Variants in THRAP3 observed in about 807,000 individuals in gnomAD.
The protein encoded by THRAP3 is thyroid hormone receptor associated protein 3, also known as thyroid hormone receptor-associated protein 3.
THRAP3 carries 16 observed loss-of-function variants against 101.0 expected under a neutral mutation model. The observed-to-expected ratio is 0.16, with a 90% CI of 0.11 to 0.24. The LOEUF (loss-of-function observed/expected upper bound fraction) is 0.24, where lower values mean the gene tolerates loss of function less well. Among genes scored for constraint, THRAP3 ranks in the 10% least tolerant of loss-of-function variants. The pLI is 1.00. For synonymous variants in THRAP3, 407 were observed against 422.6 expected, an observed-to-expected ratio of 0.96 and a Z score of 0.45; for missense variants, 989 against 1,202.7, an observed-to-expected ratio of 0.82 and a Z score of 2.63.
In THRAP3 at chr1:36,270,577, G is replaced by GTTTTTTT. The variant is rs869142351; in HGVS notation, c.-32+11104_-32+11110dup. Among the ~76,000 whole-genome samples the GTTTTTTT allele has an allele frequency of 1.6e-3, 56 of 34,642 alleles. 1 individual carries two copies. The East Asian group carries it at 0.18, about 112-fold the overall frequency. The allele number at this position is 34,642 out of a possible 152,430, so 22.7% of individuals were successfully genotyped here. On this transcript the variant is annotated intron_variant, in intron 2 of 11. Transcript: ENST00000354618. Reference sequence around the variant, plus strand: ...TACAGTTCTATTTGTTTAGGTTTTTGTTTTTTTTTTTTTTTTTGAGACGGA... The same window carrying GTTTTTTT: ...TACAGTTCTATTTGTTTAGGTTTTTGTTTTTTTTTTTTTTTTTTTTTTTTGAGACGGA...
chr1:36,270,571 G>A (rs1446938524), intron 2 of THRAP3, among the ~76,000 whole-genome samples: 2 of 31,870 alleles, frequency 6.3e-5, no homozygotes, highest in African/African-American at 1.4e-4. Context: ...ATTTGTTTAG[G>A]TTTTTGTTTT....
chr1:36,269,753 ATCT>A (rs1190706666), intron 2 of THRAP3, among the ~76,000 whole-genome samples: 1 of 151,360 alleles, frequency 6.6e-6, no homozygotes, highest in Non-Finnish European at 1.5e-5. Context: ...TTTTTTTTAA[ATCT>A]TCTGTAGAGA....
At chr1:36,271,286 AT>A (rs968024419) in intron 2 of THRAP3, among the ~76,000 whole-genome samples, 20 of 151,606 alleles carry the variant, frequency 1.3e-4, no homozygotes, top group African/African-American at 3.9e-4. Flanking sequence ...ACACAGGCAA[AT>A]TTTTTTTTCC....
intron 1 of THRAP3, among the ~76,000 whole-genome samples, chr1:36,253,339 G>A (rs529896030): frequency 2.6e-5 from 4 of 152,246 alleles, no homozygotes; most frequent in Non-Finnish European, 4.4e-5. Context: ...TAGCTGCACA[G>A]TTAGACAGAT....
In THRAP3 at chr1:36,304,874, A is replaced by G. The variant is rs888000276; in HGVS notation, c.*857A>G. ...GTTTTCTAAGAAACTTATGAATTCT[A>G]TTATCTTTACAAATATGAGAAAATT... On this transcript the variant is annotated 3_prime_UTR_variant, in exon 12 of 12. Coordinates refer to ENST00000354618, the MANE Select transcript of THRAP3 (RefSeq NM_005119.4). 1.9e-5 allele frequency: 4 copies of G among 205,952 alleles called. No homozygotes were observed. Among genetic ancestry groups the G allele is most frequent in the East Asian group, 1.5e-4 (2 of 13,664 alleles). The allele number at this position is 205,952 out of a possible 1,614,324, so 12.8% of individuals were successfully genotyped here.
At chr1:36,294,564 A>G (rs1645920944) in intron 8 of THRAP3, among the ~76,000 whole-genome samples, 1 of 152,238 alleles carries the variant, frequency 6.6e-6, no homozygotes, top group Admixed American at 6.5e-5. Context: ...GTATTTATTG[A>G]TCTTCATTCA....
intron 2 of THRAP3, among the ~76,000 whole-genome samples, chr1:36,261,794 A>T (rs1315470935): frequency 6.6e-6 from 1 of 152,160 alleles, no homozygotes; most frequent in Non-Finnish European, 1.5e-5. Flanking sequence ...TATGATCCAA[A>T]ATGGTAGTAG....
intron 1 of THRAP3, among the ~76,000 whole-genome samples, chr1:36,242,767 A>G (rs1645177676): frequency 6.6e-6 from 1 of 152,152 alleles, no homozygotes; most frequent in Non-Finnish European, 1.5e-5. Context: ...TTGATTTTCT[A>G]AGGCATATAG....
chr1:36,302,154 G>C (rs1646038055), intron 11 of THRAP3, among the ~76,000 whole-genome samples: 1 of 152,182 alleles, frequency 6.6e-6, no homozygotes, highest in African/African-American at 2.4e-5. Context: ...TCTCATCTAG[G>C]CTGTTGATCA....
the THRAP3 span, among the ~76,000 whole-genome samples, chr1:36,208,554 G>A: frequency 6.6e-6 from 1 of 152,160 alleles, no homozygotes; most frequent in Admixed American, 6.6e-5. Flanking sequence ...CGAATTTATT[G>A]AGGAACTGCA....
rs767415343 is a variant in THRAP3 at position 36,291,550 on chromosome 1, A to C, written c.1918+4A>C. ...ACCATTGTTCACCATGTTAAAGGTG[A>C]GTCCAGACCCTGGCCTGCTTCAGGC... On this transcript the variant is annotated splice_donor_region_variant and intron_variant, in intron 6 of 11. Coordinates refer to ENST00000354618, the MANE Select transcript of THRAP3 (RefSeq NM_005119.4). The C allele has an allele frequency of 1.9e-6, 3 of 1,613,596 alleles. No homozygotes were observed. The highest frequency in any genetic ancestry group is 1.7e-4 in the Middle Eastern group (1 of 6,056).
At chr1:36,242,130 A>T (rs947675173) in intron 1 of THRAP3, 3 of 183,038 alleles carry the variant, frequency 1.6e-5, no homozygotes, top group African/African-American at 7.0e-5. Context: ...TCTACATTCT[A>T]CTTCAGGTTA....
chr1:36,297,562 C>T (rs1001459520), intron 9 of THRAP3, among the ~76,000 whole-genome samples: 2 of 151,274 alleles, frequency 1.3e-5, no homozygotes, highest in Non-Finnish European at 2.9e-5. Flanking sequence ...AATTCTCCTG[C>T]CTCAGCCTCC....
Position 36,292,754 on chromosome 1 carries a change from G to T in THRAP3, c.2030+45G>T, listed in dbSNP as rs1557454103. ...ACTGGAGGTTGTAATAAAAGACTTT[G>T]TATCAGACATTAAACTCACCTTGTT... On this transcript the variant is annotated intron_variant, in intron 7 of 11. Transcript: ENST00000354618. The T allele has an allele frequency of 5.6e-6, 8 of 1,437,810 alleles. No homozygotes were observed. In the East Asian group the frequency reaches 1.8e-4, roughly 33 times the overall value. 89.1% of individuals were successfully genotyped at this position (1,437,810 alleles called of 1,614,324 possible).
Position 36,233,434 on chromosome 1 carries a change from A to AG in THRAP3, c.-135+8934dup, listed in dbSNP as rs201737719. Among the ~76,000 whole-genome samples the AG allele has an allele frequency of 9.6e-3, 1,459 of 151,408 alleles. 25 individuals are homozygous for AG. Among genetic ancestry groups the AG allele is most frequent in the African/African-American group, 0.033 (1,373 of 41,270 alleles). ...GGCAAGAGAATGGCATGAACCTGGG[A>AG]GGGGGAGCTTGCAGTGAACGGAGAT... On this transcript the variant is annotated intron_variant, in intron 1 of 11. Transcript: ENST00000354618.
intron 2 of THRAP3, among the ~76,000 whole-genome samples, chr1:36,264,751 A>G (rs946339191): frequency 6.6e-6 from 1 of 152,010 alleles, no homozygotes; most frequent in Non-Finnish European, 1.5e-5. Context: ...TTTTTTTTTA[A>G]TATCTATTTG....
chr1:36,287,504 A>G (rs1407773065), intron 4 of THRAP3: 43 of 985,330 alleles, frequency 4.4e-5, no homozygotes, highest in South Asian at 1.4e-4. Flanking sequence ...CTACTCTGCA[A>G]TGATGTTTTC....
At chr1:36,242,908 TG>T (rs1268878709) in intron 1 of THRAP3, among the ~76,000 whole-genome samples, 1 of 152,176 alleles carries the variant, frequency 6.6e-6, no homozygotes, top group Non-Finnish European at 1.5e-5. Flanking sequence ...TCACAGTTAG[TG>T]TTTTTTTTTA....
At chr1:36,245,094 T>C (rs1250498504) in intron 1 of THRAP3, among the ~76,000 whole-genome samples, 1 of 152,064 alleles carries the variant, frequency 6.6e-6, no homozygotes, top group Admixed American at 6.6e-5. Flanking sequence ...GCCTTTGCCA[T>C]TGTACCACTC....
Sources: allele counts gnomAD v4.1 joint callset (sites outside exome capture counted in the v4.1 genomes callset), GRCh38; gene constraint gnomAD v4.1.1; transcripts MANE v1.5; gene names NCBI Gene and HGNC (gene_info 2026-07-23, HGNC 2026-07-21).